Variants in CNNM1 observed in about 807,000 individuals in gnomAD.
CNNM1 encodes metal transporter CNNM1.
CNNM1 carries 44 observed loss-of-function variants against 78.8 expected under a neutral mutation model. The ratio of observed to expected loss-of-function variants is 0.56; its 90% CI spans 0.44 to 0.72. The LOEUF is 0.72. CNNM1 is among the 30% of genes least tolerant of loss of function. The pLI is 0.00. For synonymous variants in CNNM1, 584 were observed against 581.5 expected, an observed-to-expected ratio of 1.00 and a Z score of -0.06; for missense variants, 1,101 against 1,292.2, an observed-to-expected ratio of 0.85 and a Z score of 2.27.
At chr10:99,390,724 A>G (rs973845068) in intron 10 of CNNM1, among the ~76,000 whole-genome samples, 11 of 152,220 alleles carry the variant, frequency 7.2e-5, no homozygotes, top group African/African-American at 2.4e-4. Context: ...TTTGTTATCT[A>G]TGGCAACAAT....
At chr10:99,381,754 AC>A (rs2032170374) in intron 7 of CNNM1, among the ~76,000 whole-genome samples, 2 of 150,736 alleles carry the variant, frequency 1.3e-5, no homozygotes, top group South Asian at 4.2e-4. Context: ...AAAAAAAAAA[AC>A]CAAAAAACAA....
Position 99,387,885 on chromosome 10 carries a change from T to C in CNNM1, c.2406T>C (p.Pro802=). The change falls in exon 8 of 11, where the codon CCT becomes CCC. Residue 802 remains proline (P), a synonymous_variant. Transcript: ENST00000356713. Reference sequence around the variant, plus strand: ...ACATGGACAGCTCACCTCAGTCCCCTGACATGGAGGCCTTCACAGACGGGG... The same window carrying C: ...ACATGGACAGCTCACCTCAGTCCCCCGACATGGAGGCCTTCACAGACGGGG... ...ACHMDSSPQS[P]DMEAFTDGDS... 1 of 1,613,652 alleles carries C rather than the reference T, an allele frequency of 6.2e-7. No homozygotes were observed. Among genetic ancestry groups the C allele is most frequent in the Non-Finnish European group, 8.5e-7 (1 of 1,179,760 alleles).
At chr10:99,376,313 C>G (rs2031960625) in intron 6 of CNNM1, among the ~76,000 whole-genome samples, 1 of 151,738 alleles carries the variant, frequency 6.6e-6, no homozygotes, top group Non-Finnish European at 1.5e-5. Flanking sequence ...TATCCACCCA[C>G]AGCTCTGTTT....
In CNNM1 at chr10:99,387,797, A is replaced by T. The variant is rs2298315; in HGVS notation, c.2341-23A>T. The stretch of plus-strand genomic sequence containing the variant: ...GGTGGTCTCTGCCTAGCTGCTCCTA[A>T]GCTCCTGCCCTCTTCCTTCCAGATC... On this transcript the variant is annotated intron_variant, in intron 7 of 10. Coordinates refer to ENST00000356713, the MANE Select transcript of CNNM1 (RefSeq NM_020348.3). 9.8e-5 allele frequency: 153 copies of T among 1,557,036 alleles called. No homozygotes were observed. The East Asian group carries it at 3.4e-3, about 35-fold the overall frequency.
intron 6 of CNNM1, among the ~76,000 whole-genome samples, chr10:99,373,492 A>G (rs1308685654): frequency 1.3e-5 from 2 of 152,188 alleles, no homozygotes; most frequent in African/African-American, 4.8e-5. Context: ...AAGAACACAG[A>G]CTTATCCAGC....
At chr10:99,370,116 G>C (rs1485828066) in intron 6 of CNNM1, among the ~76,000 whole-genome samples, 2 of 152,146 alleles carry the variant, frequency 1.3e-5, no homozygotes, top group African/African-American at 4.8e-5. Context: ...TAAAGTCCAT[G>C]ATAACCCAAT....
intron 7 of CNNM1, among the ~76,000 whole-genome samples, chr10:99,377,653 CTGTT>C (rs1474147889): frequency 2.0e-5 from 3 of 152,204 alleles, no homozygotes; most frequent in Non-Finnish European, 4.4e-5. Context: ...ATCTGCCTGT[CTGTT>C]GGTTAAAAAG....
chr10:99,329,393 G>T lies in CNNM1; in HGVS notation c.6G>T (p.Ala2=). The change falls in exon 1 of 11, where the codon GCG becomes GCT. Residue 2 remains alanine (A), a synonymous_variant. Transcript: ENST00000356713. ...GCAGCTGCGCTGGGTGCAGGATGGC[G>T]GCGGCCGCGGCGGCGGCAGCAGCGG... M[A]AAAAAAAAVG... 1.4e-6 allele frequency: 1 copy of T among 722,972 alleles called. No homozygotes were observed. Among genetic ancestry groups the T allele is most frequent in the East Asian group, 3.3e-5 (1 of 30,124 alleles). The allele number at this position is 722,972 out of a possible 1,614,324, so 44.8% of individuals were successfully genotyped here.
chr10:99,375,875 G>A (rs538562991), intron 6 of CNNM1, among the ~76,000 whole-genome samples: 2 of 152,240 alleles, frequency 1.3e-5, no homozygotes, highest in South Asian at 4.1e-4. Flanking sequence ...TATCACTTGG[G>A]GTGGTTCCAC....
rs1850602458 is a variant in CNNM1, at chr10:99,330,892, A to T, written c.1505A>T (p.Tyr502Phe). The T allele has an allele frequency of 1.4e-5, 23 of 1,614,126 alleles. No homozygotes were observed. Among genetic ancestry groups the T allele is most frequent in the Non-Finnish European group, 1.9e-5 (23 of 1,180,034 alleles). Residue 502 changes from tyrosine (Y) to phenylalanine (F), a missense_variant, in exon 1 of 11, where the codon TAC becomes TTC. Physicochemically the swap from Tyr to Phe is conservative, Grantham distance 22 (BLOSUM62 3). Transcript: ENST00000356713. The part of the protein sequence containing the change: ...CTPLLTVTRF[Y>F]NRPLHCVFND... ...CCGCTCCTCACTGTCACCCGCTTCT[A>T]CAACCGGCCCCTGCATTGTGTTTTC...
At position 99,391,607 on chromosome 10, in the gene CNNM1, C is replaced by A; in HGVS notation, c.*91C>A. ...CATCATCTGCTTCCCCCAAGGCCTC[C>A]CACAGGTGACAGAATGTTCTGCCTT... is the stretch of plus-strand genomic sequence containing the variant. On this transcript the variant is annotated 3_prime_UTR_variant, in exon 11 of 11. Transcript: ENST00000356713. The A allele has an allele frequency of 1.9e-6, 2 of 1,041,794 alleles. No individual in the cohort carries two copies. Among genetic ancestry groups the A allele is most frequent in the Non-Finnish European group, 2.9e-6 (2 of 691,754 alleles). The allele number at this position is 1,041,794 out of a possible 1,614,324, so 64.5% of individuals were successfully genotyped here. A position where few individuals can be genotyped will look rare whatever the true frequency, so the allele number is the denominator to read the frequency against.
At chr10:99,387,677 A>G in intron 7 of CNNM1, 143 bp from the exon 8 acceptor site, 2 of 732,258 alleles carry the variant, frequency 2.7e-6, no homozygotes, top group East Asian at 2.9e-5. Context: ...CAGCGTGGGT[A>G]AGGCCCCCAT....
At chr10:99,373,629 T>C (rs1327880914) in intron 6 of CNNM1, among the ~76,000 whole-genome samples, 4 of 152,224 alleles carry the variant, frequency 2.6e-5, no homozygotes, top group African/African-American at 9.7e-5. Context: ...ATATATTACA[T>C]AGTGGTGAAG....
intron 1 of CNNM1, among the ~76,000 whole-genome samples, chr10:99,337,973 TA>T (rs2030263712): frequency 6.6e-6 from 1 of 152,238 alleles, no homozygotes; most frequent in African/African-American, 2.4e-5. Context: ...GTACATCTAT[TA>T]ATATTTATTA....
At position 99,377,167 on chromosome 10, in the gene CNNM1, C is replaced by T; in HGVS notation, c.2289C>T (p.Leu763=). The stretch of plus-strand genomic sequence containing the variant: ...AGCTGTACAGCAGCAGCAACAACCT[C>T]TACATGCCTGACTACTCAGTCCACA... ...NTQLYSSSNN[L]YMPDYSVHIL... The change falls in exon 7 of 11, where the codon CTC becomes CTT. Residue 763 remains leucine, a synonymous_variant. Transcript: ENST00000356713. 6.2e-7 allele frequency: 1 copy of T among 1,613,692 alleles called. No individual in the cohort carries two copies. Among genetic ancestry groups the T allele is most frequent in the Non-Finnish European group, 8.5e-7 (1 of 1,179,808 alleles).
At chr10:99,391,343 T>C in intron 10 of CNNM1, 94 bp from the exon 11 acceptor site, 1 of 928,416 alleles carries the variant, frequency 1.1e-6, no homozygotes, top group South Asian at 1.5e-5. Context: ...TTGTCTCCAT[T>C]TCTGCTTCTG....
rs774449711 is a variant in CNNM1, at chr10:99,330,808, A to G, written c.1421A>G (p.Asn474Ser). 5 of 1,614,048 alleles carry G rather than the reference A, an allele frequency of 3.1e-6. No individual in the cohort carries two copies. Among genetic ancestry groups the G allele is most frequent in the Non-Finnish European group, 4.2e-6 (5 of 1,180,036 alleles). ...IPVYEGDQRH[N>S]IVDILFVKDL... ...GTGTACGAGGGTGACCAGCGGCACA[A>G]CATTGTGGACATTTTATTTGTCAAG... Residue 474 changes from asparagine to serine, a missense_variant, in exon 1 of 11, where the codon AAC (asparagine) becomes AGC (serine). Transcript: ENST00000356713.
chr10:99,329,644 C>T lies in CNNM1; in HGVS notation c.257C>T (p.Pro86Leu). 1 of 1,534,356 alleles carries T rather than the reference C, an allele frequency of 6.5e-7. No individual in the cohort carries two copies. Among genetic ancestry groups the T allele is most frequent in the Non-Finnish European group, 8.7e-7 (1 of 1,149,012 alleles). Residue 86 changes from proline (P) to leucine (L), a missense_variant, in exon 1 of 11, where the codon CCG (proline) becomes CTG (leucine). Physicochemically the swap from Pro to Leu is moderately conservative, Grantham distance 98. Transcript: ENST00000356713. The part of the protein sequence containing the change: ...FQPGPPATAA[P>L]VPSPTLNSGE... ...CCAGGACCGCCGGCCACCGCCGCACCGGTGCCCTCACCGACCCTCAACTCG... is the reference window on the plus strand; with the variant it reads ...CCAGGACCGCCGGCCACCGCCGCACTGGTGCCCTCACCGACCCTCAACTCG...
At chr10:99,355,374 T>G (rs900494865) in intron 1 of CNNM1, among the ~76,000 whole-genome samples, 17 of 152,102 alleles carry the variant, frequency 1.1e-4, no homozygotes, top group Non-Finnish European at 2.1e-4. Context: ...TGTATACATG[T>G]GTAACTAACC....
Sources: gnomAD v4.1 joint callset for allele counts (sites outside exome capture counted in the v4.1 genomes callset) on GRCh38, gnomAD v4.1.1 for gene constraint, MANE v1.5 for transcripts, NCBI Gene and HGNC (gene_info 2026-07-23, HGNC 2026-07-21) for gene names.